Variants in SPMIP2 observed in about 807,000 individuals in gnomAD.
SPMIP2 encodes the protein sperm microtubule inner protein 2.
the SPMIP2 span, among the ~76,000 whole-genome samples, chr4:158,917,925 C>G: frequency 6.6e-6 from 1 of 151,754 alleles, no homozygotes; most frequent in Admixed American, 6.6e-5. Context: ...CACCATGTTA[C>G]CCAGGCTAGT....
chr4:159,051,146 A>G, the SPMIP2 span, among the ~76,000 whole-genome samples: 1 of 152,170 alleles, frequency 6.6e-6, no homozygotes, highest in Non-Finnish European at 1.5e-5. Flanking sequence ...TGTTTCCAAA[A>G]AAGTGCTATT....
the SPMIP2 span, among the ~76,000 whole-genome samples, chr4:158,996,031 C>A: frequency 6.6e-6 from 1 of 152,092 alleles, no homozygotes; most frequent in African/African-American, 2.4e-5. Flanking sequence ...CGTTTTTCGT[C>A]CCTATTAGAG....
chr4:158,939,561 C>T, the SPMIP2 span, among the ~76,000 whole-genome samples: 2 of 152,324 alleles, frequency 1.3e-5, no homozygotes, highest in South Asian at 4.1e-4. Context: ...AACAGTTTGT[C>T]TGTTAGGACA....
the SPMIP2 span, among the ~76,000 whole-genome samples, chr4:158,900,194 A>G: frequency 6.6e-6 from 1 of 152,176 alleles, no homozygotes; most frequent in African/African-American, 2.4e-5. Context: ...ATTTGATTGC[A>G]CTGTGGTCTG....
chr4:158,979,228 C>T, the SPMIP2 span, among the ~76,000 whole-genome samples: 8 of 152,140 alleles, frequency 5.3e-5, no homozygotes, highest in South Asian at 8.3e-4. Flanking sequence ...CCTCCCAGGT[C>T]GGTTTCAGAC....
the SPMIP2 span, among the ~76,000 whole-genome samples, chr4:158,932,476 A>G: frequency 6.6e-6 from 1 of 152,240 alleles, no homozygotes; most frequent in East Asian, 1.9e-4. Flanking sequence ...GTCAAAACAT[A>G]CATACATACA....
the SPMIP2 span, among the ~76,000 whole-genome samples, chr4:158,970,824 G>A: frequency 4.6e-5 from 7 of 152,136 alleles, no homozygotes; most frequent in South Asian, 1.5e-3. Flanking sequence ...AAAATACTGG[G>A]GCCAAGAAAG....
At chr4:158,991,889 C>A in the SPMIP2 span, among the ~76,000 whole-genome samples, 1 of 151,932 alleles carries the variant, frequency 6.6e-6, no homozygotes, top group African/African-American at 2.4e-5. Flanking sequence ...TGAGGTGTAC[C>A]CTTCAGAAAA....
chr4:158,960,078 C>A, the SPMIP2 span, among the ~76,000 whole-genome samples: 1 of 151,830 alleles, frequency 6.6e-6, no homozygotes, highest in African/African-American at 2.4e-5. Flanking sequence ...AACTATGTTG[C>A]GTTATTCCTT....
At chr4:159,066,784 C>A in the SPMIP2 span, among the ~76,000 whole-genome samples, 8 of 151,764 alleles carry the variant, frequency 5.3e-5, no homozygotes, top group Non-Finnish European at 8.8e-5. Context: ...GAATTTATAC[C>A]AGGGGTTGGC....
At chr4:159,026,308 C>A in the SPMIP2 span, 1 of 597,148 alleles carries the variant, frequency 1.7e-6, no homozygotes, top group South Asian at 1.5e-5. Context: ...GAAAACAGCA[C>A]AGTTTTCTCG....
At chr4:158,897,323 G>T in the SPMIP2 span, among the ~76,000 whole-genome samples, 1 of 152,180 alleles carries the variant, frequency 6.6e-6, no homozygotes, top group Non-Finnish European at 1.5e-5. Flanking sequence ...TGTCTTTATA[G>T]TAGAATGATT....
chr4:158,929,484 C>G, the SPMIP2 span, among the ~76,000 whole-genome samples: 1 of 152,072 alleles, frequency 6.6e-6, no homozygotes, highest in Non-Finnish European at 1.5e-5. Flanking sequence ...TAGATATTTT[C>G]TATCATTTTA....
chr4:158,902,071 G>A, the SPMIP2 span, among the ~76,000 whole-genome samples: 3 of 151,884 alleles, frequency 2.0e-5, no homozygotes, highest in African/African-American at 4.8e-5. Context: ...AGAGCATTCT[G>A]GTTTTTTGAA....
the SPMIP2 span, among the ~76,000 whole-genome samples, chr4:158,988,542 G>C: frequency 6.6e-6 from 1 of 152,238 alleles, no homozygotes; most frequent in South Asian, 2.1e-4. Context: ...CATCCACCAT[G>C]ATCAAGTTGG....
chr4:158,946,791 G>A, the SPMIP2 span, among the ~76,000 whole-genome samples: 1 of 152,174 alleles, frequency 6.6e-6, no homozygotes, highest in Non-Finnish European at 1.5e-5. Context: ...GATCAATCAT[G>A]TATTAGGCTG....
At chr4:158,998,476 T>C in the SPMIP2 span, among the ~76,000 whole-genome samples, 1 of 152,232 alleles carries the variant, frequency 6.6e-6, no homozygotes, top group Non-Finnish European at 1.5e-5. Flanking sequence ...TTTTTATTTG[T>C]ACAATAACAG....
At chr4:159,023,094 A>T in the SPMIP2 span, among the ~76,000 whole-genome samples, 1 of 151,734 alleles carries the variant, frequency 6.6e-6, no homozygotes, top group East Asian at 1.9e-4. Context: ...AAATATATGT[A>T]TATAGTGTGT....
chr4:158,995,989 A>G, the SPMIP2 span, among the ~76,000 whole-genome samples: 1 of 151,932 alleles, frequency 6.6e-6, no homozygotes, highest in East Asian at 1.9e-4. Flanking sequence ...TTTCGTGACT[A>G]TGTGTCTTGT....
Sources: gnomAD v4.1 joint callset for allele counts (sites outside exome capture counted in the v4.1 genomes callset) on GRCh38, gnomAD v4.1.1 for gene constraint, MANE v1.5 for transcripts, NCBI Gene and HGNC (gene_info 2026-07-23, HGNC 2026-07-21) for gene names.